Variants in SLC22A8 observed in about 807,000 individuals in gnomAD.
SLC22A8 encodes organic anion transporter 3.
Under a neutral mutation model 48.4 loss-of-function variants are expected in SLC22A8, and 40 were observed. The observed-to-expected ratio is 0.83, with a 90% confidence interval of 0.64 to 1.08. The LOEUF is 1.08. Ranked by LOEUF, SLC22A8 falls within the 50% of genes least tolerant of loss-of-function variation. The pLI is 0.00. For missense variants in SLC22A8, 606 were observed against 699.0 expected, an observed-to-expected ratio of 0.87 and a Z score of 1.50; for synonymous variants, 268 against 286.3, an observed-to-expected ratio of 0.94 and a Z score of 0.65.
chr11:63,004,562 G>T (rs2086533840), intron 2 of SLC22A8, among the ~76,000 whole-genome samples: 1 of 152,116 alleles, frequency 6.6e-6, no homozygotes, highest in Non-Finnish European at 1.5e-5. Context: ...TCTTCTCAGT[G>T]AGACCTCCCT....
At chr11:63,014,422 G>A (rs943574576) in intron 2 of SLC22A8, among the ~76,000 whole-genome samples, 4 of 152,168 alleles carry the variant, frequency 2.6e-5, no homozygotes, top group African/African-American at 9.7e-5. Context: ...GCAGTTTGTT[G>A]AAGCACTGCT....
chr11:62,994,496 C>T (rs2086385234), intron 8 of SLC22A8, 46 bp downstream of exon 8: 2 of 1,477,052 alleles, frequency 1.4e-6, no homozygotes, highest in Admixed American at 2.0e-5. Flanking sequence ...GGCACCCAAC[C>T]TGGCAGCCTC....
intron 5 of SLC22A8, among the ~76,000 whole-genome samples, chr11:62,997,625 T>G (rs191374332): frequency 5.3e-5 from 8 of 152,306 alleles, no homozygotes; most frequent in Admixed American, 3.3e-4. Context: ...CCACCCTTAT[T>G]TTGCCTCCTG....
In SLC22A8 at chr11:62,994,176, C is replaced by G; in HGVS notation, c.1217-298G>C. The G allele has an allele frequency of 5.8e-6, 3 of 518,220 alleles. No homozygotes were observed. In the South Asian group the frequency reaches 7.4e-5, roughly 13 times the overall value. 32.1% of individuals were successfully genotyped at this position (518,220 alleles called of 1,614,324 possible). On this transcript the variant is annotated intron_variant, in intron 8 of 10. Transcript: ENST00000336232. ...CCAACTAACACCCATATAAAATAAA[C>G]GTAGCTTTTCCAAGGTCATGATGGA...
intron 2 of SLC22A8, among the ~76,000 whole-genome samples, chr11:63,006,020 G>A (rs990850572): frequency 1.3e-5 from 2 of 152,186 alleles, no homozygotes; most frequent in African/African-American, 4.8e-5. Context: ...GGAGCAAATG[G>A]GAGAGATTTT....
At chr11:63,001,999 A>G (rs1426308475) in intron 2 of SLC22A8, among the ~76,000 whole-genome samples, 4 of 152,064 alleles carry the variant, frequency 2.6e-5, no homozygotes, top group African/African-American at 9.7e-5. Context: ...TCATGGCTCA[A>G]TGAAGCCTCA....
chr11:63,014,887 C>T lies in SLC22A8; in HGVS notation c.72G>A (p.Leu24=). The T allele has an allele frequency of 6.9e-6, 11 of 1,602,638 alleles. No individual in the cohort carries two copies. Among genetic ancestry groups the T allele is most frequent in the Non-Finnish European group, 8.5e-6 (10 of 1,172,368 alleles). Residue 24 remains leucine, a synonymous_variant, in exon 2 of 11, where the codon CTG becomes CTA. Coordinates refer to ENST00000336232, the MANE Select transcript of SLC22A8 (RefSeq NM_004254.4). The part of the protein sequence containing the change: ...GHFQFLHVAI[L]GLPILNMANH... ...TGGCCATGTTGAGGATCGGGAGGCC[C>T]AGTATGGCTACATGCAGGAACTGGA...
rs1342385444 is a variant in SLC22A8, at chr11:62,994,593, C to G, written c.1165G>C (p.Ala389Pro). ...ATGGCCCCTCCTGCCAGGAGCAGGG[C>G]AGCGGCCTGAGTGGTATGCCGGCCC... ...YLGRHTTQAA[A>P]LLLAGGAILA... is the part of the protein sequence containing the mutation. The change falls in exon 8 of 11, where the codon GCC (alanine) becomes CCC (proline). Residue 389 changes from alanine (A) to proline (P), a missense_variant. Transcript: ENST00000336232. The G allele has an allele frequency of 6.2e-7, 1 of 1,613,730 alleles. No individual in the cohort carries two copies. The highest frequency in any genetic ancestry group is 1.3e-5 in the African/African-American group (1 of 74,948).
chr11:62,999,117 A>C, intron 4 of SLC22A8, 28 bp from the exon 5 acceptor site: 2 of 1,598,214 alleles, frequency 1.3e-6, no homozygotes, highest in South Asian at 1.1e-5. Flanking sequence ...GCACCAGATT[A>C]GTGTTCTGCT....
At position 62,994,554 on chromosome 11, in the gene SLC22A8, A is replaced by C; in HGVS notation, c.1204T>G (p.Phe402Val). The C allele has an allele frequency of 2.5e-6, 4 of 1,608,134 alleles. No homozygotes were observed. Among genetic ancestry groups the C allele is most frequent in the Non-Finnish European group, 3.4e-6 (4 of 1,176,892 alleles). The change falls in exon 8 of 11, where the codon TTT becomes GTT. Residue 402 changes from phenylalanine (F) to valine (V), a missense_variant. By Grantham distance (50) the Phe-to-Val change is conservative. Coordinates refer to ENST00000336232, the MANE Select transcript of SLC22A8 (RefSeq NM_004254.4). ...LAGGAILALT[F>V]VPLDLQTVRT... ...CCCAGTCTCTCACCCAAGGGCACAAAGGTGAGAGCCAAGATGGCCCCTCCT... is the reference window on the plus strand; with the variant it reads ...CCCAGTCTCTCACCCAAGGGCACAACGGTGAGAGCCAAGATGGCCCCTCCT...
chr11:62,993,187 C>G lies in SLC22A8; in HGVS notation c.*50G>C. 6.9e-7 allele frequency: 1 copy of G among 1,446,590 alleles called. No homozygotes were observed. The allele number at this position is 1,446,590 out of a possible 1,614,324, so 89.6% of individuals were successfully genotyped here. A position where few individuals can be genotyped will look rare whatever the true frequency, so the allele number is the denominator to read the frequency against. On this transcript the variant is annotated 3_prime_UTR_variant, in exon 11 of 11. Coordinates refer to ENST00000336232, the MANE Select transcript of SLC22A8 (RefSeq NM_004254.4). ...GGGGCCTCCCTATACTCCTAAGGTG[C>G]CTGGCTAGGATCAGTCTCTGGAGGG... is the stretch of plus-strand genomic sequence containing the variant.
Position 62,993,552 on chromosome 11 carries a change from AC to A in SLC22A8, c.1400del (p.Gly467ValfsTer30). On this transcript the variant is annotated frameshift_variant, in exon 10 of 11. Transcript: ENST00000336232. LOFTEE classifies it high-confidence loss of function. ...SMVSPLVKIT[G>X]EVQPFIPNII... ...TATTGGGGATGAAGGGCTGTACCTC[AC>A]CCGTGATTTTCACCAGCGGGGACAC... is the stretch of plus-strand genomic sequence containing the variant. 1 of 1,614,000 alleles carries A rather than the reference AC, an allele frequency of 6.2e-7. No individual in the cohort carries two copies. Among genetic ancestry groups the A allele is most frequent in the Non-Finnish European group, 8.5e-7 (1 of 1,179,888 alleles).
intron 2 of SLC22A8, among the ~76,000 whole-genome samples, chr11:63,009,113 G>A (rs892027470): frequency 2.0e-5 from 3 of 152,154 alleles, no homozygotes; most frequent in African/African-American, 4.8e-5. Flanking sequence ...GATTGGAGGC[G>A]AGGAAAGAGA....
rs1199598867 is a variant in SLC22A8 at position 62,994,629 on chromosome 11, A to G, written c.1129T>C (p.Leu377=). 1 of 1,614,226 alleles carries G rather than the reference A, an allele frequency of 6.2e-7. No individual in the cohort carries two copies. Among genetic ancestry groups the G allele is most frequent in the African/African-American group, 1.3e-5 (1 of 75,076 alleles). Residue 377 remains leucine (L), a synonymous_variant, in exon 8 of 11, where the codon TTA becomes CTA. Coordinates refer to ENST00000336232, the MANE Select transcript of SLC22A8 (RefSeq NM_004254.4). ...GTGGTATGCCGGCCCAGGTAGCTTA[A>G]GGAGAGGATGGTGATGAACTTGGCT... ...VPAKFITILS[L]SYLGRHTTQA... is the part of the protein sequence containing the mutation.
In SLC22A8 at chr11:62,993,233, G is replaced by T. The variant is rs1441989680; in HGVS notation, c.*4C>A. On this transcript the variant is annotated 3_prime_UTR_variant, in exon 11 of 11. Transcript: ENST00000336232. Reference sequence around the variant, plus strand: ...GAGGGCAGGGAAAGGGGGTTCCGTTGTCCTCAGCTGGAGCCCAGGCCTGGT... The same window carrying T: ...GAGGGCAGGGAAAGGGGGTTCCGTTTTCCTCAGCTGGAGCCCAGGCCTGGT... 1.2e-6 allele frequency: 2 copies of T among 1,609,704 alleles called. No homozygotes were observed. The highest frequency in any genetic ancestry group is 1.1e-5 in the South Asian group (1 of 90,584).
At chr11:63,004,318 G>A (rs1424795628) in intron 2 of SLC22A8, among the ~76,000 whole-genome samples, 4 of 152,136 alleles carry the variant, frequency 2.6e-5, no homozygotes, top group Non-Finnish European at 5.9e-5. Flanking sequence ...AATGGCTTAC[G>A]AGGCCCTGGA....
Position 62,995,005 on chromosome 11 carries a change from C to T in SLC22A8, c.1002-249G>A, listed in dbSNP as rs1010708770. Reference sequence around the variant, plus strand: ...GGTGTGGTGGCAAAGGTGCCAATAACTGACTCTAGAGAAGATCAGGACTGG... The same window carrying T: ...GGTGTGGTGGCAAAGGTGCCAATAATTGACTCTAGAGAAGATCAGGACTGG... On this transcript the variant is annotated intron_variant, in intron 7 of 10. Transcript: ENST00000336232. The T allele has an allele frequency of 5.5e-6, 3 of 549,324 alleles. No homozygotes were observed. In the Admixed American group the frequency reaches 9.2e-5, roughly 17 times the overall value. 34.0% of individuals were successfully genotyped at this position (549,324 alleles called of 1,614,324 possible). A position where few individuals can be genotyped will look rare whatever the true frequency, so the allele number is the denominator to read the frequency against.
intron 5 of SLC22A8, among the ~76,000 whole-genome samples, chr11:62,997,517 C>G (rs1393170554): frequency 3.3e-5 from 5 of 152,176 alleles, no homozygotes; most frequent in African/African-American, 9.6e-5. Flanking sequence ...CCACTGCACC[C>G]AGCCACCTAG....
In SLC22A8 at chr11:62,995,679, G is replaced by T. The variant is rs942829676; in HGVS notation, c.1001+25C>A. ...TGTCTATCACCCCTTCCTTGGCAGG[G>T]TGTGGGCAGGGAGAGGGGGGTTACC... On this transcript the variant is annotated intron_variant, in intron 7 of 10. Coordinates refer to ENST00000336232, the MANE Select transcript of SLC22A8 (RefSeq NM_004254.4). The T allele has an allele frequency of 5.2e-6, 8 of 1,542,470 alleles. No homozygotes were observed. The African/African-American group carries it at 6.8e-5, about 13-fold the overall frequency.
Sources: allele counts gnomAD v4.1 joint callset (sites outside exome capture counted in the v4.1 genomes callset), GRCh38; gene constraint gnomAD v4.1.1; transcripts MANE v1.5; gene names NCBI Gene and HGNC (gene_info 2026-07-23, HGNC 2026-07-21).